NCAPD3: variants seen among roughly 807,000 people sequenced by gnomAD.
NCAPD3 encodes non-SMC condensin II complex subunit D3.
In NCAPD3, 105 loss-of-function variants were observed where a neutral mutation model predicts 182.9. The observed-to-expected ratio is 0.57, with a 90% CI of 0.49 to 0.68. The LOEUF (loss-of-function observed/expected upper bound fraction) is 0.68. Ranked by LOEUF, NCAPD3 falls within the 30% of genes least tolerant of loss-of-function variation. The pLI is 0.00. For missense variants in NCAPD3, 1,944 were observed against 1,837.0 expected (o/e 1.06, Z -1.07); for synonymous variants, 815 against 679.9 (o/e 1.20, Z -3.09).
At chr11:134,203,552 G>T in intron 11 of NCAPD3, 102 bp downstream of exon 11, 2 of 1,440,162 alleles carry the variant, frequency 1.4e-6, no homozygotes, top group Non-Finnish European at 1.9e-6. Context: ...AATAGATCAT[G>T]CCATACCTAT....
intron 28 of NCAPD3, among the ~76,000 whole-genome samples, chr11:134,161,571 C>T (rs113471357): frequency 3.8e-4 from 58 of 152,326 alleles, no homozygotes; most frequent in Non-Finnish European, 6.5e-4. Flanking sequence ...CGGCTCTTCA[C>T]GGCCCTGGCT....
intron 30 of NCAPD3, 113 bp downstream of exon 30, chr11:134,158,216 G>A: frequency 2.0e-6 from 3 of 1,528,656 alleles, no homozygotes; most frequent in Admixed American, 1.8e-5. Flanking sequence ...GAGCGGGGTG[G>A]CAGGCCAGAC....
At chr11:134,196,118 A>T (rs1944622763) in intron 13 of NCAPD3, among the ~76,000 whole-genome samples, 1 of 152,134 alleles carries the variant, frequency 6.6e-6, no homozygotes, top group East Asian at 1.9e-4. Flanking sequence ...GAAGAAAATA[A>T]GAAAGAAAAT....
chr11:134,177,898 T>TCTTA (rs1944208824), intron 22 of NCAPD3: 1 of 154,458 alleles, frequency 6.5e-6, no homozygotes, highest in Admixed American at 6.5e-5. Flanking sequence ...TTTCTTTCTT[T>TCTTA]CTTTCTTTCT....
At chr11:134,205,084 A>G (rs111426570) in intron 8 of NCAPD3, 113 bp from the exon 9 acceptor site, 23 of 728,216 alleles carry the variant, frequency 3.2e-5, no homozygotes, top group Middle Eastern at 2.5e-4. Context: ...ACCTCACGCT[A>G]TAAGAGTGGT....
At chr11:134,169,401 T>A (rs1165097875) in intron 24 of NCAPD3, among the ~76,000 whole-genome samples, 7 of 152,246 alleles carry the variant, frequency 4.6e-5, no homozygotes, top group Non-Finnish European at 1.5e-5. Context: ...AGTGGTCTTA[T>A]AAGACTGATG....
At chr11:134,162,180 C>G (rs183907822) in intron 27 of NCAPD3, among the ~76,000 whole-genome samples, 148 of 152,240 alleles carry the variant, frequency 9.7e-4, no homozygotes, top group African/African-American at 3.2e-3. Context: ...TTGACAAAAG[C>G]CCCAAATCTC....
chr11:134,201,320 T>C (rs907352375), intron 13 of NCAPD3, among the ~76,000 whole-genome samples: 7 of 152,088 alleles, frequency 4.6e-5, no homozygotes, highest in African/African-American at 1.7e-4. Context: ...CCACCACGCC[T>C]GGCCCAGAAT....
chr11:134,201,043 T>C (rs1427945867), intron 13 of NCAPD3, among the ~76,000 whole-genome samples: 1 of 151,586 alleles, frequency 6.6e-6, no homozygotes, highest in Admixed American at 6.6e-5. Context: ...TTTTTTTTTT[T>C]TGGACAGAGT....
Position 134,168,207 on chromosome 11 carries a change from A to G in NCAPD3, c.3374-12T>C. The stretch of plus-strand genomic sequence containing the variant: ...ATCAGCAAAGCACGCTGAGAGACAG[A>G]GAGAGAGAAAAACGTGAGCTTCTGA... On this transcript the variant is annotated splice_polypyrimidine_tract_variant and intron_variant, in intron 26 of 34. Transcript: ENST00000534548. 6.2e-7 allele frequency: 1 copy of G among 1,609,984 alleles called. No homozygotes were observed. Among genetic ancestry groups the G allele is most frequent in the Non-Finnish European group, 8.5e-7 (1 of 1,176,778 alleles).
intron 32 of NCAPD3, 178 bp downstream of exon 32, chr11:134,156,840 G>C (rs148266996): frequency 1.8e-6 from 1 of 553,018 alleles, no homozygotes; most frequent in African/African-American, 1.9e-5. Flanking sequence ...TACTCGGTCA[G>C]TGCTCATGGA....
intron 13 of NCAPD3, among the ~76,000 whole-genome samples, chr11:134,201,100 C>A (rs1380212771): frequency 6.6e-6 from 1 of 150,764 alleles, no homozygotes; most frequent in East Asian, 2.0e-4. Flanking sequence ...TCTCGGCTCA[C>A]TGCAACCTCC....
intron 28 of NCAPD3, among the ~76,000 whole-genome samples, 155 bp downstream of exon 28, chr11:134,161,626 C>A (rs1943582092): frequency 6.6e-6 from 1 of 152,196 alleles, no homozygotes; most frequent in East Asian, 1.9e-4. Context: ...CCACAGCCAA[C>A]CCCTAGCTCC....
At chr11:134,197,922 G>A (rs568364376) in intron 13 of NCAPD3, among the ~76,000 whole-genome samples, 1 of 152,124 alleles carries the variant, frequency 6.6e-6, no homozygotes, top group Non-Finnish European at 1.5e-5. Flanking sequence ...CACAGCTAAC[G>A]TCGTACTCAG....
rs1240056801 is a variant in NCAPD3 at position 134,209,048 on chromosome 11, G to A, written c.794+97C>T. On this transcript the variant is annotated intron_variant, in intron 6 of 34. Transcript: ENST00000534548. ...ATGTTTAAATGAATAAATTCTACCT[G>A]TGTGCCAATTGGGATAAAATGGTAT... 10 of 1,452,040 alleles carry A rather than the reference G, an allele frequency of 6.9e-6. No individual in the cohort carries two copies. In the East Asian group the frequency reaches 1.4e-4, roughly 20 times the overall value. 89.9% of individuals were successfully genotyped at this position (1,452,040 alleles called of 1,614,324 possible). A position where few individuals can be genotyped will look rare whatever the true frequency, so the allele number is the denominator to read the frequency against.
At chr11:134,195,175 A>G (rs1190407545) in intron 13 of NCAPD3, among the ~76,000 whole-genome samples, 1 of 152,174 alleles carries the variant, frequency 6.6e-6, no homozygotes, top group Non-Finnish European at 1.5e-5. Context: ...ATCATAGCTC[A>G]CCGCAATCTC....
chr11:134,176,494 G>A (rs575499754), intron 23 of NCAPD3, 108 bp from the exon 24 acceptor site: 3 of 843,478 alleles, frequency 3.6e-6, no homozygotes, highest in Non-Finnish European at 6.0e-6. Context: ...CACACTGGCT[G>A]AGTGCACAGG....
At chr11:134,164,177 CA>C (rs1418618566) in intron 27 of NCAPD3, among the ~76,000 whole-genome samples, 109 of 152,334 alleles carry the variant, frequency 7.2e-4, no homozygotes, top group African/African-American at 2.5e-3. Flanking sequence ...CTGTGGCAGC[CA>C]AGCTCTGCCC....
At chr11:134,183,121 G>T (rs533978896) in intron 19 of NCAPD3, 3 of 456,164 alleles carry the variant, frequency 6.6e-6, no homozygotes, top group Non-Finnish European at 1.3e-5. Context: ...CCCTGACTGC[G>T]CGCTGTACAC....
Sources: gnomAD v4.1 joint callset for allele counts (sites outside exome capture counted in the v4.1 genomes callset) on GRCh38, gnomAD v4.1.1 for gene constraint, MANE v1.5 for transcripts, NCBI Gene and HGNC (gene_info 2026-07-23, HGNC 2026-07-21) for gene names.